The following RANBP2 variants were observed in gnomAD, a reference collection of about 807,000 sequenced individuals.
RANBP2 encodes the protein RAN binding protein 2.
A neutral mutation model predicts 303.6 loss-of-function variants in RANBP2; 57 were observed. The ratio of observed to expected loss-of-function variants is 0.19; its 90% CI spans 0.15 to 0.23. RANBP2 has a LOEUF of 0.23. Ranked by LOEUF, RANBP2 falls within the 10% of genes least tolerant of loss-of-function variation. The pLI is 1.00. For synonymous variants in RANBP2, 1,167 were observed against 1,301.5 expected, an observed-to-expected ratio of 0.90 and a Z score of 2.23; for missense variants, 3,138 against 3,780.8, an observed-to-expected ratio of 0.83 and a Z score of 4.46.
the RANBP2 span, among the ~76,000 whole-genome samples, chr2:109,523,973 T>G: frequency 6.6e-6 from 1 of 152,208 alleles, no homozygotes; most frequent in African/African-American, 2.4e-5. Flanking sequence ...TGTAGCTGTC[T>G]GCATCACAGC....
the RANBP2 span, among the ~76,000 whole-genome samples, chr2:109,092,152 G>C: frequency 8.5e-5 from 13 of 152,244 alleles, no homozygotes; most frequent in East Asian, 2.5e-3. Context: ...ATCTCAGAAG[G>C]AACTGCTGAT....
chr2:108,929,613 C>T, the RANBP2 span, among the ~76,000 whole-genome samples: 12 of 152,308 alleles, frequency 7.9e-5, no homozygotes, highest in African/African-American at 2.9e-4. Flanking sequence ...TTCTGAGCCT[C>T]CCCGAGATGA....
the RANBP2 span, among the ~76,000 whole-genome samples, chr2:108,991,617 G>C: frequency 2.0e-5 from 3 of 152,306 alleles, no homozygotes; most frequent in South Asian, 2.1e-4. Flanking sequence ...CTTATGGAGG[G>C]GCACAACAGG....
At chr2:109,571,228 T>A in the RANBP2 span, among the ~76,000 whole-genome samples, 1 of 152,228 alleles carries the variant, frequency 6.6e-6, no homozygotes, top group Non-Finnish European at 1.5e-5. Flanking sequence ...CAATTAAACC[T>A]CTTTTCTTCA....
the RANBP2 span, among the ~76,000 whole-genome samples, chr2:109,534,054 A>G: frequency 6.6e-6 from 1 of 152,188 alleles, no homozygotes; most frequent in African/African-American, 2.4e-5. Context: ...TCTGTCGCCC[A>G]GCCTCAGGGA....
the RANBP2 span, among the ~76,000 whole-genome samples, chr2:109,041,525 A>AT: frequency 0.87 from 123,018 of 141,944 alleles, 53,526 homozygotes; most frequent in East Asian, 0.96. Context: ...ACGGATGTTA[A>AT]TTTTTTTTTT....
chr2:109,614,515 C>T, the RANBP2 span: 3 of 1,260,968 alleles, frequency 2.4e-6, no homozygotes, highest in Non-Finnish European at 3.0e-6. Context: ...GAGTGGGGCC[C>T]CGAGGCGGCG....
At chr2:109,174,478 A>G in the RANBP2 span, among the ~76,000 whole-genome samples, 199 of 152,232 alleles carry the variant, frequency 1.3e-3, no homozygotes, top group South Asian at 7.7e-3. Flanking sequence ...ACCAGGCCAC[A>G]CTCACTTGGC....
the RANBP2 span, among the ~76,000 whole-genome samples, chr2:109,548,775 C>CAAAAA: frequency 1.9e-4 from 12 of 63,596 alleles, 1 homozygote; most frequent in East Asian, 4.0e-4. Flanking sequence ...GGCTCCATCT[C>CAAAAA]AAAAAAAAAA....
the RANBP2 span, among the ~76,000 whole-genome samples, chr2:109,415,955 G>C: frequency 4.0e-4 from 61 of 152,252 alleles, no homozygotes; most frequent in African/African-American, 1.3e-3. Flanking sequence ...ATGGGAGCAG[G>C]GCTGGTGGCT....
At chr2:109,530,595 A>C in the RANBP2 span, among the ~76,000 whole-genome samples, 1 of 152,242 alleles carries the variant, frequency 6.6e-6, no homozygotes, top group African/African-American at 2.4e-5. Flanking sequence ...GTTCTAATAA[A>C]AATGGCTAAG....
the RANBP2 span, among the ~76,000 whole-genome samples, chr2:109,192,769 T>C: frequency 6.6e-6 from 1 of 152,200 alleles, no homozygotes; most frequent in Admixed American, 6.5e-5. Context: ...CCCATGGAAG[T>C]CACAGCAGTG....
the RANBP2 span, among the ~76,000 whole-genome samples, chr2:109,011,901 G>T: frequency 6.6e-6 from 1 of 152,094 alleles, no homozygotes; most frequent in Non-Finnish European, 1.5e-5. Flanking sequence ...TGTGTGCCAT[G>T]TGTATGTGCA....
At chr2:109,627,114 C>G in the RANBP2 span, among the ~76,000 whole-genome samples, 1 of 152,038 alleles carries the variant, frequency 6.6e-6, no homozygotes, top group East Asian at 1.9e-4. Context: ...GCAATGATCA[C>G]ACATCTGTGA....
the RANBP2 span, among the ~76,000 whole-genome samples, chr2:108,814,866 C>T: frequency 6.6e-6 from 1 of 151,880 alleles, no homozygotes; most frequent in East Asian, 1.9e-4. Context: ...AATCTCCTGA[C>T]CTCTGGTGAT....
At chr2:109,598,561 G>A in the RANBP2 span, among the ~76,000 whole-genome samples, 1 of 152,052 alleles carries the variant, frequency 6.6e-6, no homozygotes, top group Non-Finnish European at 1.5e-5. Flanking sequence ...ATCATCGGGA[G>A]GCCGGGCGTG....
the RANBP2 span, among the ~76,000 whole-genome samples, chr2:109,289,435 C>T: frequency 6.6e-6 from 1 of 152,102 alleles, no homozygotes. Context: ...GCTTGGATTT[C>T]TTGATGCTAC....
chr2:109,372,625 G>T, the RANBP2 span, among the ~76,000 whole-genome samples: 1 of 152,216 alleles, frequency 6.6e-6, no homozygotes, highest in South Asian at 2.1e-4. Context: ...CATTCTCAAG[G>T]TCCCACAGCC....
chr2:109,616,639 T>C, the RANBP2 span: 1 of 167,090 alleles, frequency 6.0e-6, no homozygotes, highest in Non-Finnish European at 1.5e-5. Flanking sequence ...ATGGGAATCT[T>C]CTTGGTATTT....
Sources: gnomAD v4.1 joint callset for allele counts (sites outside exome capture counted in the v4.1 genomes callset) on GRCh38, gnomAD v4.1.1 for gene constraint, MANE v1.5 for transcripts, NCBI Gene and HGNC (gene_info 2026-07-23, HGNC 2026-07-21) for gene names.